GC: variants seen among roughly 807,000 people sequenced by gnomAD.
GC encodes vitamin D-binding protein.
A neutral mutation model predicts 56.7 loss-of-function variants in GC; 43 were observed. The ratio of observed to expected loss-of-function variants is 0.76; its 90% CI spans 0.59 to 0.98. The LOEUF is 0.98. GC is among the 50% of genes least tolerant of loss of function. The probability of loss-of-function intolerance (pLI) is 0.00; values close to 1 mark genes in which losing one functional copy is unlikely to be tolerated. For missense variants in GC, 529 were observed against 545.9 expected (o/e 0.97, Z 0.31); for synonymous variants, 216 against 202.7 (o/e 1.07, Z -0.56).
chr4:71,804,988 T>A (rs1048717694), upstream of GC, among the ~76,000 whole-genome samples: 8 of 151,970 alleles, frequency 5.3e-5, no homozygotes, highest in African/African-American at 1.7e-4. Flanking sequence ...CTCTTCTGAG[T>A]CGAGTGGGGC....
intron 9 of GC, 141 bp from the exon 10 acceptor site, chr4:71,754,649 GTT>G: frequency 1.5e-6 from 1 of 670,298 alleles, no homozygotes; most frequent in Non-Finnish European, 2.6e-6. Flanking sequence ...TAATTTTAGG[GTT>G]TGCAGGCCAT....
intron 3 of GC, among the ~76,000 whole-genome samples, chr4:71,767,180 T>C (rs1742183578): frequency 6.6e-6 from 1 of 152,176 alleles, no homozygotes; most frequent in African/African-American, 2.4e-5. Context: ...AGAATATTCA[T>C]TGTGTAGAAT....
At chr4:71,773,507 T>C (rs533654958) in intron 1 of GC, among the ~76,000 whole-genome samples, 1 of 152,080 alleles carries the variant, frequency 6.6e-6, no homozygotes. Flanking sequence ...GAACTTACAA[T>C]GGAACCCAAA....
Position 71,771,932 on chromosome 4 carries a change from G to A in GC, c.59-2532C>T, listed in dbSNP as rs1457289457. Among the ~76,000 whole-genome samples the A allele has an allele frequency of 2.0e-5, 3 of 152,176 alleles. No individual in the cohort carries two copies. The East Asian group carries it at 5.8e-4, about 29-fold the overall frequency. ...TTGTTTTTAGTTTGCTCCTAAAGCA[G>A]AGCTAGGAGAAATGTCTGGCAGTTA... On this transcript the variant is annotated intron_variant, in intron 1 of 12. Transcript: ENST00000273951.
At chr4:71,803,866 A>C (rs1222922872) in intron 1 of GC, 1 of 921,824 alleles carries the variant, frequency 1.1e-6, no homozygotes, top group Non-Finnish European at 1.7e-6. Context: ...TTTATAAGGA[A>C]ACTAAAGCTC....
intron 1 of GC, among the ~76,000 whole-genome samples, chr4:71,794,321 C>T (rs1743040012): frequency 6.6e-6 from 1 of 152,154 alleles, no homozygotes; most frequent in Admixed American, 6.5e-5. Flanking sequence ...TTAATTATTG[C>T]CTCAATTTCA....
chr4:71,789,466 T>C (rs1742921037), intron 1 of GC, among the ~76,000 whole-genome samples: 1 of 151,974 alleles, frequency 6.6e-6, no homozygotes, highest in African/African-American at 2.4e-5. Flanking sequence ...GACCCTTAAC[T>C]TGGGTTATAT....
intron 1 of GC, among the ~76,000 whole-genome samples, chr4:71,774,161 T>C (rs758453531): frequency 6.6e-6 from 1 of 152,048 alleles, no homozygotes; most frequent in Non-Finnish European, 1.5e-5. Context: ...ACATGACATC[T>C]ATAGATAAAC....
At chr4:71,785,192 T>C (rs1164360308), upstream of GC, among the ~76,000 whole-genome samples, 1 of 151,772 alleles carries the variant, frequency 6.6e-6, no homozygotes, top group Non-Finnish European at 1.5e-5. Flanking sequence ...ATTAAGGTAA[T>C]CTGGGTGCAG....
upstream of GC, among the ~76,000 whole-genome samples, chr4:71,784,746 A>G (rs1742791513): frequency 6.6e-6 from 1 of 151,752 alleles, no homozygotes; most frequent in African/African-American, 2.4e-5. Context: ...CACCACTGCC[A>G]ATCATAAAAA....
chr4:71,801,950 G>A (rs990029727), intron 1 of GC, among the ~76,000 whole-genome samples: 2 of 145,296 alleles, frequency 1.4e-5, no homozygotes, highest in African/African-American at 5.1e-5. Context: ...TTAAAAATTA[G>A]TATTAGTACT....
At chr4:71,765,289 A>T (rs1030522403) in intron 4 of GC, 143 bp downstream of exon 4, 1 of 672,488 alleles carries the variant, frequency 1.5e-6, no homozygotes, top group African/African-American at 1.8e-5. Flanking sequence ...CAAAGGGAAG[A>T]TGGGCTGTCT....
chr4:71,767,650 T>C (rs1742199101), intron 3 of GC, among the ~76,000 whole-genome samples: 1 of 148,778 alleles, frequency 6.7e-6, no homozygotes, highest in South Asian at 2.1e-4. Flanking sequence ...ATAAAATGTA[T>C]ATATACATAT....
At position 71,784,050 on chromosome 4, in the gene GC, C is replaced by A. The variant is rs756959725; in HGVS notation, c.-32G>T. On this transcript the variant is annotated 5_prime_UTR_variant, in exon 1 of 13. It introduces an in-frame stop codon into an upstream open reading frame of the 5' UTR. Coordinates refer to ENST00000273951, the MANE Select transcript of GC (RefSeq NM_000583.4). The stretch of plus-strand genomic sequence containing the variant: ...ACCAGAGAGTCTTGCAGCACCTCCT[C>A]TCTCCTGTAGGTGACCATGTAAAAG... 1.3e-6 allele frequency: 2 copies of A among 1,597,800 alleles called. No homozygotes were observed. The highest frequency in any genetic ancestry group is 2.2e-5 in the East Asian group (1 of 44,566).
Position 71,783,985 on chromosome 4 carries a change from C to T in GC, c.34G>A (p.Ala12Thr), listed in dbSNP as rs548824858. The change falls in exon 1 of 13, where the codon GCA becomes ACA. Residue 12 changes from alanine (A) to threonine (T), a missense_variant. Physicochemically the swap from Ala to Thr is moderately conservative, Grantham distance 58. Transcript: ENST00000273951. ...CCTCTCTCTAAAGCATGTCCAAATG[C>T]CACAGCAAGCAGTAGTACCAGGACC... is the stretch of plus-strand genomic sequence containing the variant. ...KRVLVLLLAVAFGHALERGRD... is the reference protein window; with the variant it reads ...KRVLVLLLAVTFGHALERGRD... 1.3e-5 allele frequency: 21 copies of T among 1,601,610 alleles called. No homozygotes were observed. The highest frequency in any genetic ancestry group is 1.1e-4 in the East Asian group (5 of 44,532).
At chr4:71,760,802 G>T (rs936413700) in intron 6 of GC, among the ~76,000 whole-genome samples, 15 of 152,202 alleles carry the variant, frequency 9.9e-5, no homozygotes, top group South Asian at 6.2e-4. Context: ...CTCTGCACAA[G>T]CTCTCTCTTT....
chr4:71,752,799 T>C lies in GC; in HGVS notation c.1263-149A>G, dbSNP rs41265645. ...TCAAGAAAATTCTATACCTGTGGTA[T>C]AGAATAGTCAATTTGAGATCAGAAA... On this transcript the variant is annotated intron_variant, in intron 10 of 12. Coordinates refer to ENST00000273951, the MANE Select transcript of GC (RefSeq NM_000583.4). 1.5e-3 allele frequency: 956 copies of C among 656,588 alleles called. 7 individuals are homozygous for C. Among genetic ancestry groups the C allele is most frequent in the South Asian group, 6.2e-3 (329 of 53,204 alleles). The allele number at this position is 656,588 out of a possible 1,614,324, so 40.7% of individuals were successfully genotyped here. A position where few individuals can be genotyped will look rare whatever the true frequency, so the allele number is the denominator to read the frequency against.
intron 1 of GC, among the ~76,000 whole-genome samples, chr4:71,795,060 G>A (rs879428715): frequency 1.3e-5 from 2 of 152,146 alleles, no homozygotes; most frequent in Non-Finnish European, 2.9e-5. Context: ...CATTTGCTAG[G>A]AAGTGTTTTA....
At chr4:71,804,009 T>G (rs1474343485) in exon 1 of GC, 2 of 1,011,246 alleles carry the variant, frequency 2.0e-6, no homozygotes, top group East Asian at 5.2e-5. Flanking sequence ...ATCATTCTCC[T>G]GGTGGAGTAA....
Sources: allele counts gnomAD v4.1 joint callset (sites outside exome capture counted in the v4.1 genomes callset), GRCh38; gene constraint gnomAD v4.1.1; transcripts MANE v1.5; gene names NCBI Gene and HGNC (gene_info 2026-07-23, HGNC 2026-07-21).